Variants in DPYSL2 observed in about 807,000 individuals in gnomAD.
The protein encoded by DPYSL2 is dihydropyrimidinase like 2, also known as dihydropyrimidinase-related protein 2.
A neutral mutation model predicts 69.9 loss-of-function variants in DPYSL2; 13 were observed. The ratio of observed to expected loss-of-function variants is 0.19; its 90% CI spans 0.12 to 0.30. The LOEUF (loss-of-function observed/expected upper bound fraction) is 0.30. DPYSL2 is among the 10% of genes least tolerant of loss of function. The pLI, the probability that DPYSL2 is intolerant of heterozygous loss-of-function variation, is 1.00. For synonymous variants in DPYSL2, 326 were observed against 359.1 expected (o/e 0.91, Z 1.04); for missense variants, 587 against 918.9 (o/e 0.64, Z 4.67).
intron 1 of DPYSL2, among the ~76,000 whole-genome samples, chr8:26,534,444 C>T (rs1444029143): frequency 1.3e-5 from 2 of 152,042 alleles, no homozygotes; most frequent in African/African-American, 4.8e-5. Flanking sequence ...TAGGCATAAG[C>T]CACCATGCCC....
At position 26,626,384 on chromosome 8, in the gene DPYSL2, T is replaced by G. The variant is rs889380265; in HGVS notation, c.794-233T>G. ...ATAAGAATACTAAAAAGCATCCTTG[T>G]GCCTCTTCCTCCCACATTCACAGGT... On this transcript the variant is annotated intron_variant, in intron 4 of 13. Transcript: ENST00000521913. The surrounding 1 kb of genome is among the most constrained non-coding windows in gnomAD (Gnocchi z 4.3). Among the ~76,000 whole-genome samples, 1 of 152,152 alleles carries G rather than the reference T, an allele frequency of 6.6e-6. No homozygotes were observed. Among genetic ancestry groups the G allele is most frequent in the African/African-American group, 2.4e-5 (1 of 41,428 alleles).
At chr8:26,629,971 TCA>T (rs948338986) in intron 7 of DPYSL2, among the ~76,000 whole-genome samples, 15 of 119,470 alleles carry the variant, frequency 1.3e-4, no homozygotes, top group Admixed American at 1.2e-3. Flanking sequence ...ACACTCACGT[TCA>T]CACACATATA....
intron 7 of DPYSL2, among the ~76,000 whole-genome samples, chr8:26,632,935 A>T (rs990518906): frequency 1.3e-5 from 2 of 152,258 alleles, no homozygotes; most frequent in Admixed American, 1.3e-4. Context: ...CACATAGTTG[A>T]TGCCTGAAAG....
rs542569104 is a variant in DPYSL2, at chr8:26,577,245, A to T, written c.355-4724A>T. 3,284 of 406,788 alleles carry T rather than the reference A, an allele frequency of 8.1e-3. 105 individuals carry two copies. Among genetic ancestry groups the T allele is most frequent in the African/African-American group, 0.067 (3,012 of 45,146 alleles). 25.2% of individuals were successfully genotyped at this position (406,788 alleles called of 1,614,324 possible). A position where few individuals can be genotyped will look rare whatever the true frequency, so the allele number is the denominator to read the frequency against. On this transcript the variant is annotated intron_variant, in intron 1 of 13. Transcript: ENST00000521913. Reference sequence around the variant, plus strand: ...CCCGCGCCCATTCCCCGCCCCCAGGAGCCGGGCCCGGACGCTCCCGGGAAG... The same window carrying T: ...CCCGCGCCCATTCCCCGCCCCCAGGTGCCGGGCCCGGACGCTCCCGGGAAG...
intron 1 of DPYSL2, chr8:26,578,100 G>T (rs1009939622): frequency 6.6e-7 from 1 of 1,509,306 alleles, no homozygotes; most frequent in East Asian, 2.4e-5. Context: ...TTACGTTCTT[G>T]AAATTTCCTA....
At chr8:26,584,675 A>G (rs1471150965) in intron 3 of DPYSL2, among the ~76,000 whole-genome samples, 1 of 139,892 alleles carries the variant, frequency 7.1e-6, no homozygotes, top group African/African-American at 2.8e-5. Context: ...GCTGGAGTGC[A>G]ATGGTGCAAT....
At chr8:26,655,228 G>A (rs1378275213) in intron 13 of DPYSL2, among the ~76,000 whole-genome samples, 7 of 152,116 alleles carry the variant, frequency 4.6e-5, no homozygotes. Context: ...CGGGCAGGGT[G>A]GCTCACACCT....
chr8:26,598,319 T>C lies in DPYSL2; in HGVS notation c.628+14336T>C, dbSNP rs977104053. 5.9e-5 allele frequency among the ~76,000 whole-genome samples: 9 copies of C among 152,236 alleles called. No individual in the cohort carries two copies. Among genetic ancestry groups the C allele is most frequent in the Admixed American group, 5.9e-4 (9 of 15,286 alleles). ...TGTCGTCGAGAATCAATTAAAATGG[T>C]CAGCATTGCTATGAAATGGTTTATT... is the stretch of plus-strand genomic sequence containing the variant. On this transcript the variant is annotated intron_variant, in intron 3 of 13. Transcript: ENST00000521913. The surrounding 1 kb of genome is among the most constrained non-coding windows in gnomAD (Gnocchi z 4.2).
chr8:26,569,339 G>A (rs1232815487), intron 1 of DPYSL2, among the ~76,000 whole-genome samples: 3 of 127,828 alleles, frequency 2.3e-5, no homozygotes, highest in Non-Finnish European at 4.7e-5. Flanking sequence ...GGGTGACAGG[G>A]CAAGACCCTA....
rs377616608 is a variant in DPYSL2, at chr8:26,586,875, C to T, written c.628+2892C>T. Among the ~76,000 whole-genome samples the T allele has an allele frequency of 1.5e-4, 23 of 152,256 alleles. No homozygotes were observed. Among genetic ancestry groups the T allele is most frequent in the Middle Eastern group, 3.4e-3 (1 of 294 alleles). On this transcript the variant is annotated intron_variant, in intron 3 of 13. Coordinates refer to ENST00000521913, the MANE Select transcript of DPYSL2 (RefSeq NM_001197293.3). This position sits in a 1 kb window ranked among gnomAD's most constrained non-coding sequence, Gnocchi z 4.7. ...GCTATAGAGTGGGGCATCCAATGAG[C>T]GAACCTCAAGGAATAAAAGTCATCA...
chr8:26,597,265 C>T lies in DPYSL2; in HGVS notation c.628+13282C>T, dbSNP rs1801882383. 6.6e-6 allele frequency among the ~76,000 whole-genome samples: 1 copy of T among 152,188 alleles called. No homozygotes were observed. Among genetic ancestry groups the T allele is most frequent in the Non-Finnish European group, 1.5e-5 (1 of 68,020 alleles). On this transcript the variant is annotated intron_variant, in intron 3 of 13. Transcript: ENST00000521913. The surrounding 1 kb of genome is among the most constrained non-coding windows in gnomAD (Gnocchi z 5.2). ...CATTCATCAACTGAACTTAATCCTT[C>T]TTCTGGGAGGCCCGGGAGCCTTCTT...
rs1303597873 is a variant in DPYSL2 at position 26,620,984 on chromosome 8, T to C, written c.629-3159T>C. On this transcript the variant is annotated intron_variant, in intron 3 of 13. Transcript: ENST00000521913. The surrounding 1 kb of genome is among the most constrained non-coding windows in gnomAD (Gnocchi z 4.5). ...ATACACATATAAATACACACGTACA[T>C]ACATACACATACATACATGCCTCTT... Among the ~76,000 whole-genome samples, 1 of 152,220 alleles carries C rather than the reference T, an allele frequency of 6.6e-6. No individual in the cohort carries two copies. Among genetic ancestry groups the C allele is most frequent in the African/African-American group, 2.4e-5 (1 of 41,462 alleles).
At chr8:26,616,279 G>A (rs918971580) in intron 3 of DPYSL2, among the ~76,000 whole-genome samples, 3 of 151,938 alleles carry the variant, frequency 2.0e-5, no homozygotes, top group South Asian at 4.2e-4. Flanking sequence ...GCAAAACCAC[G>A]TTATCCTAAC....
chr8:26,656,041 C>T lies in DPYSL2; in HGVS notation c.*335C>T, dbSNP rs972085686. The T allele has an allele frequency of 4.3e-6, 1 of 234,398 alleles. No individual in the cohort carries two copies. Among genetic ancestry groups the T allele is most frequent in the African/African-American group, 2.2e-5 (1 of 44,688 alleles). The allele number at this position is 234,398 out of a possible 1,614,324, so 14.5% of individuals were successfully genotyped here. On this transcript the variant is annotated 3_prime_UTR_variant, in exon 14 of 14. Coordinates refer to ENST00000521913, the MANE Select transcript of DPYSL2 (RefSeq NM_001197293.3). ...TCCTTCGCCTTCAACCTCCTAGTGT[C>T]TGTTAGCATCTTCCTTTTCATGGGG... is the stretch of plus-strand genomic sequence containing the variant.
Position 26,516,943 on chromosome 8 carries a change from C to T in DPYSL2, c.354+2264C>T, listed in dbSNP as rs753737751. Among the ~76,000 whole-genome samples the T allele has an allele frequency of 1.2e-4, 18 of 152,122 alleles. No individual in the cohort carries two copies. The highest frequency in any genetic ancestry group is 2.1e-4 in the South Asian group (1 of 4,832). On this transcript the variant is annotated intron_variant, in intron 1 of 13. Coordinates refer to ENST00000521913, the MANE Select transcript of DPYSL2 (RefSeq NM_001197293.3). The surrounding 1 kb of genome is among the most constrained non-coding windows in gnomAD (Gnocchi z 4.8). ...TTTATATTTATAACAATGTGACTTC[C>T]GAAAAGCTCAACTGGCCCACCATTT...
At position 26,653,342 on chromosome 8, in the gene DPYSL2, C is replaced by T. The variant is rs1424653207; in HGVS notation, c.1887C>T (p.Ala629=). Reference sequence around the variant, plus strand: ...CCTCCTCGGCCAAGACGTCTCCTGCCAAGCAGCAGGCCCCACCTGTCCGGA... The same window carrying T: ...CCTCCTCGGCCAAGACGTCTCCTGCTAAGCAGCAGGCCCCACCTGTCCGGA... ...TPASSAKTSP[A]KQQAPPVRNL... is the part of the protein sequence containing the mutation. Residue 629 remains alanine, a synonymous_variant, in exon 13 of 14, where the codon GCC becomes GCT. Transcript: ENST00000521913. The surrounding 1 kb of genome is among the most constrained non-coding windows in gnomAD (Gnocchi z 5.7). 1 of 1,614,020 alleles carries T rather than the reference C, an allele frequency of 6.2e-7. No individual in the cohort carries two copies. Among genetic ancestry groups the T allele is most frequent in the Non-Finnish European group, 8.5e-7 (1 of 1,180,026 alleles).
At position 26,652,121 on chromosome 8, in the gene DPYSL2, G is replaced by T; in HGVS notation, c.1597-136G>T. On this transcript the variant is annotated intron_variant, in intron 11 of 13. Transcript: ENST00000521913. This position sits in a 1 kb window ranked among gnomAD's most constrained non-coding sequence, Gnocchi z 6.3. ...AGACACAGCAAGTAAGTGCCTGCTGGGGTGCCCAGTTGGGACAGGATCCCT... is the reference window on the plus strand; with the variant it reads ...AGACACAGCAAGTAAGTGCCTGCTGTGGTGCCCAGTTGGGACAGGATCCCT... 1 of 704,068 alleles carries T rather than the reference G, an allele frequency of 1.4e-6. No homozygotes were observed. The highest frequency in any genetic ancestry group is 2.2e-6 in the Non-Finnish European group (1 of 461,660). The allele number at this position is 704,068 out of a possible 1,614,324, so 43.6% of individuals were successfully genotyped here.
intron 1 of DPYSL2, among the ~76,000 whole-genome samples, chr8:26,528,174 T>A (rs562979897): frequency 2.3e-4 from 35 of 152,234 alleles, no homozygotes; most frequent in African/African-American, 7.5e-4. Flanking sequence ...ACTGGTGAGG[T>A]GGCACCTCTG....
rs1803096988 is a variant in DPYSL2 at position 26,643,464 on chromosome 8, C to T, written c.1152C>T (p.Ile384=). Residue 384 remains isoleucine, a synonymous_variant, in exon 9 of 14, where the codon ATC becomes ATT. Coordinates refer to ENST00000521913, the MANE Select transcript of DPYSL2 (RefSeq NM_001197293.3). This position sits in a 1 kb window ranked among gnomAD's most constrained non-coding sequence, Gnocchi z 6.5. The stretch of plus-strand genomic sequence containing the variant: ...GAACTGTGGTGTATGGCGAGCCCAT[C>T]ACTGCCAGCTTGGGAACGGACGGCT... The part of the protein sequence containing the change: ...KKGTVVYGEP[I]TASLGTDGSH... The T allele has an allele frequency of 6.2e-7, 1 of 1,605,206 alleles. No homozygotes were observed.
Sources: gnomAD v4.1 joint callset for allele counts (sites outside exome capture counted in the v4.1 genomes callset) on GRCh38, gnomAD v4.1.1 for gene constraint, Gnocchi (gnomAD v3.1) non-coding constraint, MANE v1.5 for transcripts, NCBI Gene and HGNC (gene_info 2026-07-23, HGNC 2026-07-21) for gene names.